The following PPEF1 variants were observed in gnomAD, a reference collection of about 807,000 sequenced individuals.
PPEF1 encodes protein phosphatase with EF-hand domain 1.
Under a neutral mutation model 53.3 loss-of-function variants are expected in PPEF1, and 12 were observed. The observed-to-expected ratio is 0.23, with a 90% confidence interval of 0.14 to 0.36. The LOEUF (loss-of-function observed/expected upper bound fraction) is 0.36, where lower values mean the gene tolerates loss of function less well. PPEF1 is among the 10% of genes least tolerant of loss of function. PPEF1 has a pLI of 1.00. For missense variants in PPEF1, 334 were observed against 490.4 expected, an observed-to-expected ratio of 0.68 and a Z score of 3.01; for synonymous variants, 165 against 176.7, an observed-to-expected ratio of 0.93 and a Z score of 0.52.
chrX:18,712,732 A>C (rs763139229), intron 1 of PPEF1, among the ~76,000 whole-genome samples: 1 of 112,013 alleles, frequency 8.9e-6, no homozygotes, highest in African/African-American at 3.2e-5. Context: ...AGTAAGTCTT[A>C]TATCAGCTGT....
chrX:18,745,632 A>G (rs1395038435), intron 3 of PPEF1, among the ~76,000 whole-genome samples: 1 of 111,482 alleles, frequency 9.0e-6, no homozygotes, highest in Admixed American at 9.7e-5. Flanking sequence ...TTGGCCAAAG[A>G]TAGTGGATCA....
At chrX:18,766,736 A>G (rs1318134031) in intron 6 of PPEF1, among the ~76,000 whole-genome samples, 2 of 112,488 alleles carry the variant, frequency 1.8e-5, no homozygotes, top group Non-Finnish European at 3.8e-5. Flanking sequence ...AAAGTCAGAC[A>G]TAATGACAGC....
chrX:18,765,639 A>G (rs1301898748), intron 6 of PPEF1, among the ~76,000 whole-genome samples: 1 of 112,069 alleles, frequency 8.9e-6, no homozygotes, highest in Non-Finnish European at 1.9e-5. Flanking sequence ...TGATAAAGCA[A>G]TGGGGAAAAT....
At chrX:18,748,140 A>T (rs2045367263) in intron 3 of PPEF1, among the ~76,000 whole-genome samples, 1 of 112,091 alleles carries the variant, frequency 8.9e-6, no homozygotes, top group South Asian at 3.7e-4. Flanking sequence ...TCTCAAACCA[A>T]ACCCAAATGA....
At chrX:18,766,847 G>A (rs752427094) in intron 6 of PPEF1, among the ~76,000 whole-genome samples, 40 of 111,000 alleles carry the variant, frequency 3.6e-4, no homozygotes, top group Non-Finnish European at 6.1e-4. Flanking sequence ...TCAAGAGTTC[G>A]AGACCAGCCC....
At chrX:18,792,332 T>C (rs924005976) in intron 10 of PPEF1, among the ~76,000 whole-genome samples, 1 of 112,455 alleles carries the variant, frequency 8.9e-6, no homozygotes, top group African/African-American at 3.2e-5. Context: ...TTAAAATTAC[T>C]AATTTCAATA....
At chrX:18,729,640 T>G (rs2044790279) in intron 1 of PPEF1, among the ~76,000 whole-genome samples, 2 of 112,170 alleles carry the variant, frequency 1.8e-5, no homozygotes, top group Admixed American at 1.9e-4. Flanking sequence ...TTCTCTTTCC[T>G]AGTGATAGGC....
chrX:18,766,158 G>A (rs903706171), intron 6 of PPEF1, among the ~76,000 whole-genome samples: 1 of 110,203 alleles, frequency 9.1e-6, no homozygotes, highest in African/African-American at 3.3e-5. Flanking sequence ...AGAATGACAC[G>A]TAGAGCTTGG....
At chrX:18,777,549 T>C (rs1006959713) in intron 6 of PPEF1, among the ~76,000 whole-genome samples, 1 of 110,783 alleles carries the variant, frequency 9.0e-6, no homozygotes, top group Non-Finnish European at 1.9e-5. Context: ...AGACGGAGTC[T>C]TGCTGTGTCG....
intron 12 of PPEF1, among the ~76,000 whole-genome samples, chrX:18,810,722 G>A (rs1225655451): frequency 8.9e-6 from 1 of 112,041 alleles, no homozygotes; most frequent in African/African-American, 3.2e-5. Flanking sequence ...TCCTTCTTAT[G>A]GGTGAATAAT....
At chrX:18,698,622 T>C (rs1250923173) in intron 5 of PPEF1, among the ~76,000 whole-genome samples, 3 of 111,535 alleles carry the variant, frequency 2.7e-5, no homozygotes, top group Non-Finnish European at 5.6e-5. Context: ...TCGTCTGTAC[T>C]AAAAATACAA....
chrX:18,744,142 C>T (rs1286539193), intron 3 of PPEF1, among the ~76,000 whole-genome samples: 1 of 111,768 alleles, frequency 8.9e-6, no homozygotes, highest in Non-Finnish European at 1.9e-5. Context: ...CCACCCGCCT[C>T]GGCCTCCCAA....
At chrX:18,758,118 G>A (rs1421303956) in intron 5 of PPEF1, among the ~76,000 whole-genome samples, 1 of 111,763 alleles carries the variant, frequency 8.9e-6, no homozygotes, top group Non-Finnish European at 1.9e-5. Context: ...CCGTGGCGGG[G>A]TGAAGATTAA....
At chrX:18,815,186 C>A (rs924608808) in intron 12 of PPEF1, among the ~76,000 whole-genome samples, 3 of 111,784 alleles carry the variant, frequency 2.7e-5, no homozygotes, top group Admixed American at 1.9e-4. Context: ...AGCTTGCATT[C>A]CTAGAATAAA....
chrX:18,685,120 C>T (rs1929020348), intron 2 of PPEF1, among the ~76,000 whole-genome samples: 1 of 112,284 alleles, frequency 8.9e-6, no homozygotes, highest in Non-Finnish European at 1.9e-5. Context: ...GATTTGTTTC[C>T]ACATGGATTC....
At chrX:18,711,645 C>G (rs1033922294) in intron 1 of PPEF1, among the ~76,000 whole-genome samples, 1 of 93,794 alleles carries the variant, frequency 1.1e-5, no homozygotes, top group Non-Finnish European at 2.0e-5. Context: ...CCTCTTAGCA[C>G]CATTGTCAAA....
At chrX:18,715,075 T>C (rs2044423946) in intron 1 of PPEF1, among the ~76,000 whole-genome samples, 1 of 111,879 alleles carries the variant, frequency 8.9e-6, no homozygotes. Flanking sequence ...AGCTTCCATG[T>C]AGAGAAGTAG....
intron 9 of PPEF1, among the ~76,000 whole-genome samples, chrX:18,788,070 A>T (rs1185430769): frequency 8.9e-6 from 1 of 111,985 alleles, no homozygotes; most frequent in Non-Finnish European, 1.9e-5. Context: ...TAATCCGAGC[A>T]CTTTGGGAGG....
chrX:18,762,030 A>T (rs1427609274), intron 6 of PPEF1, among the ~76,000 whole-genome samples: 1 of 111,665 alleles, frequency 9.0e-6, no homozygotes, highest in East Asian at 2.8e-4. Context: ...TTCTCCCCTG[A>T]TTCGCCATCC....
Sources: allele counts gnomAD v4.1 joint callset (sites outside exome capture counted in the v4.1 genomes callset), GRCh38; gene constraint gnomAD v4.1.1; transcripts MANE v1.5; gene names NCBI Gene and HGNC (gene_info 2026-07-23, HGNC 2026-07-21).